Variants in PKHD1 observed in about 807,000 individuals in gnomAD.
PKHD1 encodes the protein PKHD1 ciliary IPT domain containing fibrocystin/polyductin, also known as fibrocystin.
PKHD1 carries 291 observed loss-of-function variants against 412.0 expected under a neutral mutation model. The ratio of observed to expected loss-of-function variants is 0.71; its 90% CI spans 0.64 to 0.78. The LOEUF (loss-of-function observed/expected upper bound fraction) is 0.78. PKHD1 is among the 30% of genes least tolerant of loss of function. The probability of loss-of-function intolerance (pLI) is 0.00; values close to 1 mark genes in which losing one functional copy is unlikely to be tolerated. For synonymous variants in PKHD1, 1,777 were observed against 1,821.5 expected (o/e 0.98, Z 0.62); for missense variants, 4,825 against 4,950.7 (o/e 0.97, Z 0.76).
intron 39 of PKHD1, among the ~76,000 whole-genome samples, chr6:51,911,130 G>A (rs1204582239): frequency 1.3e-5 from 2 of 152,032 alleles, no homozygotes; most frequent in Non-Finnish European, 2.9e-5. Context: ...GCTCATGCCT[G>A]GAAGTCATCC....
Position 52,024,913 on chromosome 6 carries a change from A to G in PKHD1, c.4897T>C (p.Ser1633Pro), listed in dbSNP as rs1801907606. Residue 1633 changes from serine to proline, a missense_variant, in exon 32 of 67, where the codon TCT (serine) becomes CCT (proline). Ser to Pro is a moderately conservative substitution (Grantham distance 74). Coordinates refer to ENST00000371117, the MANE Select transcript of PKHD1 (RefSeq NM_138694.4). ...TCTACCTCTATTTCCAGGGCAACAG[A>G]GCCATTCCCTGTGGGAACAATGCAC... ...IRCIVPTGNG[S>P]VALEIEVDGL... 1 of 1,614,074 alleles carries G rather than the reference A, an allele frequency of 6.2e-7. No homozygotes were observed. The highest frequency in any genetic ancestry group is 8.5e-7 in the Non-Finnish European group (1 of 1,180,034).
rs778592523 is a variant in PKHD1 at position 51,847,870 on chromosome 6, C to T, written c.8012G>A (p.Arg2671Gln). ...YPDILLRCGSRVGLSFPFLPS... is the reference protein window; with the variant it reads ...YPDILLRCGSQVGLSFPFLPS... ...AAGAAATGGAAAAGACAGACCCACT[C>T]GACTCCCACATCTTAGGAGGATGTC... is the stretch of plus-strand genomic sequence containing the variant. The change falls in exon 50 of 67, where the codon CGA (arginine) becomes CAA (glutamine). Residue 2671 changes from arginine (R) to glutamine (Q), a missense_variant. Transcript: ENST00000371117. 8.1e-6 allele frequency: 13 copies of T among 1,613,658 alleles called. No homozygotes were observed. The highest frequency in any genetic ancestry group is 3.3e-5 in the Admixed American group (2 of 59,994).
intron 60 of PKHD1, chr6:51,741,005 A>G (rs1045907559): frequency 2.0e-6 from 1 of 489,644 alleles, no homozygotes; most frequent in Admixed American, 2.0e-5. Context: ...ACTCACACAC[A>G]TACATGCTTG....
intron 43 of PKHD1, among the ~76,000 whole-genome samples, chr6:51,902,873 A>AG (rs1459941300): frequency 1.3e-5 from 2 of 152,332 alleles, no homozygotes; most frequent in East Asian, 3.9e-4. Context: ...GATTTTAAAA[A>AG]TCAAGGTTAT....
In PKHD1 at chr6:51,924,753, T is replaced by G. The variant is rs994610630; in HGVS notation, c.6121+9357A>C. ...GGAATGATAAAGGAGGTATCAAGAA[T>G]GACAACCAGGTTTCTAGCTGAGAGA... On this transcript the variant is annotated intron_variant, in intron 37 of 66. Coordinates refer to ENST00000371117, the MANE Select transcript of PKHD1 (RefSeq NM_138694.4). Among the ~76,000 whole-genome samples, 4 of 152,294 alleles carry G rather than the reference T, an allele frequency of 2.6e-5. No individual in the cohort carries two copies. The East Asian group carries it at 7.7e-4, about 29-fold the overall frequency.
At chr6:52,010,201 A>G (rs1799625034) in intron 35 of PKHD1, 108 bp downstream of exon 35, 2 of 912,484 alleles carry the variant, frequency 2.2e-6, no homozygotes, top group Admixed American at 4.0e-5. Flanking sequence ...AGCACATTTA[A>G]TATTATATAT....
Position 51,748,136 on chromosome 6 carries a change from A to C in PKHD1, c.9480T>G (p.His3160Gln). ...TCTCTATCTCCACGCTGTTCTCTAC[A>C]TGTAACATGGCACCATAGTCAAAGT... Reference protein sequence around the residue: ...FKNFDYGAMLHVENSVEIENI... With the variant: ...FKNFDYGAMLQVENSVEIENI... Residue 3160 changes from histidine (H) to glutamine (Q), a missense_variant, in exon 58 of 67, where the codon CAT (histidine) becomes CAG (glutamine). His to Gln is a conservative substitution (Grantham distance 24, BLOSUM62 0). Transcript: ENST00000371117. 2 of 1,614,086 alleles carry C rather than the reference A, an allele frequency of 1.2e-6. No individual in the cohort carries two copies. The highest frequency in any genetic ancestry group is 2.7e-5 in the African/African-American group (2 of 75,048).
intron 60 of PKHD1, among the ~76,000 whole-genome samples, chr6:51,666,028 T>C (rs547768981): frequency 1.9e-4 from 29 of 152,112 alleles, no homozygotes; most frequent in African/African-American, 6.3e-4. Flanking sequence ...ACGGTGAGTA[T>C]TGGGGGCTAA....
At chr6:51,925,826 A>ATC (rs577355637) in intron 37 of PKHD1, among the ~76,000 whole-genome samples, 70 of 148,950 alleles carry the variant, frequency 4.7e-4, no homozygotes, top group African/African-American at 1.3e-3. Context: ...CTCTCTTTTT[A>ATC]TCTCTCTCTC....
At chr6:52,004,477 C>CATAGG (rs2128105050) in intron 35 of PKHD1, among the ~76,000 whole-genome samples, 1 of 152,176 alleles carries the variant, frequency 6.6e-6, no homozygotes, top group East Asian at 1.9e-4. Context: ...CTCTATCATC[C>CATAGG]ATAGGTCTGT....
intron 50 of PKHD1, among the ~76,000 whole-genome samples, chr6:51,842,882 G>A (rs1041709271): frequency 3.3e-5 from 5 of 152,226 alleles, no homozygotes; most frequent in African/African-American, 1.2e-4. Flanking sequence ...ACCCACGTCT[G>A]TGAGACTGGA....
chr6:51,989,196 C>T (rs1652596180), intron 35 of PKHD1, among the ~76,000 whole-genome samples: 1 of 152,102 alleles, frequency 6.6e-6, no homozygotes, highest in Admixed American at 6.5e-5. Flanking sequence ...GGAAAAAAAA[C>T]AAAAACTAGA....
intron 60 of PKHD1, among the ~76,000 whole-genome samples, chr6:51,680,081 C>T (rs1391736667): frequency 6.6e-6 from 1 of 151,718 alleles, no homozygotes; most frequent in Admixed American, 6.6e-5. Context: ...GGTGTCTGTG[C>T]CAATTAAATG....
chr6:52,010,242 A>G (rs1264921116), intron 35 of PKHD1, 67 bp downstream of exon 35: 2 of 1,418,300 alleles, frequency 1.4e-6, no homozygotes, highest in Admixed American at 3.4e-5. Context: ...TGTTTTTTTA[A>G]TGTACACAAT....
chr6:51,830,555 C>T (rs749710993), intron 52 of PKHD1, among the ~76,000 whole-genome samples: 1 of 152,110 alleles, frequency 6.6e-6, no homozygotes, highest in African/African-American at 2.4e-5. Flanking sequence ...GATACTAGAA[C>T]CTGTAAATCC....
chr6:51,730,638 A>G (rs758535948), intron 60 of PKHD1, among the ~76,000 whole-genome samples: 1 of 152,240 alleles, frequency 6.6e-6, no homozygotes, highest in Non-Finnish European at 1.5e-5. Context: ...AAATGTAAAT[A>G]CATAAAGAAA....
rs769009200 is a variant in PKHD1, at chr6:52,072,127, T to C, written c.590A>G (p.Gln197Arg). ...WVTPCSLINR[Q>R]MGSCYPIQED... ...ATAAGACACTCACCAGCTTCCCATCTGCCTATTTATAAGAGAGCAAGGAGT... is the reference window on the plus strand; with the variant it reads ...ATAAGACACTCACCAGCTTCCCATCCGCCTATTTATAAGAGAGCAAGGAGT... The change falls in exon 8 of 67, where the codon CAG (glutamine) becomes CGG (arginine). Residue 197 changes from glutamine to arginine, a missense_variant. Coordinates refer to ENST00000371117, the MANE Select transcript of PKHD1 (RefSeq NM_138694.4). The C allele has an allele frequency of 1.2e-6, 2 of 1,602,818 alleles. No individual in the cohort carries two copies. Among genetic ancestry groups the C allele is most frequent in the East Asian group, 4.5e-5 (2 of 44,830 alleles).
At chr6:52,036,534 C>T (rs983761511) in intron 27 of PKHD1, among the ~76,000 whole-genome samples, 1 of 152,196 alleles carries the variant, frequency 6.6e-6, no homozygotes, top group African/African-American at 2.4e-5. Context: ...AGCCTTACCC[C>T]CCCTTGAGGG....
chr6:51,619,663 A>C (rs553781250), intron 66 of PKHD1, 143 bp from the exon 67 acceptor site: 1 of 687,862 alleles, frequency 1.5e-6, no homozygotes, highest in Non-Finnish European at 2.5e-6. Context: ...AATATCTTTT[A>C]TCAGACACTC....
Sources: allele counts gnomAD v4.1 joint callset (sites outside exome capture counted in the v4.1 genomes callset), GRCh38; gene constraint gnomAD v4.1.1; transcripts MANE v1.5; gene names NCBI Gene and HGNC (gene_info 2026-07-23, HGNC 2026-07-21).